The following EPB41L4B variants were observed in gnomAD, a reference collection of about 807,000 sequenced individuals.
EPB41L4B encodes erythrocyte membrane protein band 4.1 like 4B, also known as band 4.1-like protein 4B.
Under a neutral mutation model 112.5 loss-of-function variants are expected in EPB41L4B, and 30 were observed. That is an observed-to-expected ratio of 0.27 (90% CI 0.20 to 0.36). The LOEUF is 0.36. EPB41L4B is among the 10% of genes least tolerant of loss of function. The probability of loss-of-function intolerance (pLI) is 1.00; values close to 1 mark genes in which losing one functional copy is unlikely to be tolerated. For missense variants in EPB41L4B, 1,024 were observed against 1,133.3 expected, an observed-to-expected ratio of 0.90 and a Z score of 1.38; for synonymous variants, 408 against 439.7, an observed-to-expected ratio of 0.93 and a Z score of 0.90.
intron 12 of EPB41L4B, 83 bp downstream of exon 12, chr9:109,253,358 T>G (rs1283594000): frequency 1.9e-5 from 18 of 935,032 alleles, no homozygotes; most frequent in Admixed American, 1.9e-4. Flanking sequence ...ACTTTCTTCA[T>G]AAGCTGCTTG....
At position 109,320,321 on chromosome 9, in the gene EPB41L4B, G is replaced by C. The variant is rs1837820791; in HGVS notation, c.126C>G (p.Ala42=). 1.0e-6 allele frequency: 1 copy of C among 996,498 alleles called. No individual in the cohort carries two copies. Among genetic ancestry groups the C allele is most frequent in the Non-Finnish European group, 1.2e-6 (1 of 838,698 alleles). The allele number at this position is 996,498 out of a possible 1,614,324, so 61.7% of individuals were successfully genotyped here. A position where few individuals can be genotyped will look rare whatever the true frequency, so the allele number is the denominator to read the frequency against. The change falls in exon 1 of 26, where the codon GCC becomes GCG. Residue 42 remains alanine (A), a synonymous_variant. Transcript: ENST00000374566. ...ERDGGPRGGP[A]AAASSSALPA... is the part of the protein sequence containing the mutation. ...GCAGCGCCGAGGAGGAGGCGGCGGC[G>C]GCCGGGCCCCCCCGTGGCCCCCCAT... is the stretch of plus-strand genomic sequence containing the variant.
chr9:109,178,814 A>G (rs1320535754), intron 24 of EPB41L4B, among the ~76,000 whole-genome samples: 2 of 147,890 alleles, frequency 1.4e-5, no homozygotes, highest in Non-Finnish European at 3.0e-5. Flanking sequence ...GATAGTAAGT[A>G]AATGGGGCAG....
At chr9:109,179,841 T>C (rs1275806475) in intron 24 of EPB41L4B, among the ~76,000 whole-genome samples, 2 of 152,148 alleles carry the variant, frequency 1.3e-5, no homozygotes, top group Non-Finnish European at 1.5e-5. Flanking sequence ...CTTTCTGCTC[T>C]CTCTCCCTTA....
intron 1 of EPB41L4B, among the ~76,000 whole-genome samples, chr9:109,292,469 T>A (rs530807423): frequency 3.5e-4 from 53 of 152,332 alleles, no homozygotes; most frequent in African/African-American, 1.2e-3. Flanking sequence ...GCAAGTCATG[T>A]AAACTGTCAC....
chr9:109,226,638 TATATATATATGAAGA>T lies in EPB41L4B; in HGVS notation c.1410-9508_1410-9494del, dbSNP rs1245029545. ...TATATATATATATATATGAAGAATA[TATATATATATGAAGA>T]ATATATATATGAAGAATATATATAT... On this transcript the variant is annotated intron_variant, in intron 15 of 25. Coordinates refer to ENST00000374566, the MANE Select transcript of EPB41L4B (RefSeq NM_019114.5). 8.6e-4 allele frequency among the ~76,000 whole-genome samples: 111 copies of T among 129,606 alleles called. 1 individual carries two copies. Among genetic ancestry groups the T allele is most frequent in the Middle Eastern group, 3.8e-3 (1 of 264 alleles). The allele number at this position is 129,606 out of a possible 152,430, so 85.0% of individuals were successfully genotyped here. A position where few individuals can be genotyped will look rare whatever the true frequency, so the allele number is the denominator to read the frequency against.
intron 1 of EPB41L4B, among the ~76,000 whole-genome samples, chr9:109,299,624 C>T (rs1171595736): frequency 6.6e-6 from 1 of 152,096 alleles, no homozygotes; most frequent in African/African-American, 2.4e-5. Context: ...GCATCACATA[C>T]CTAGACAAAA....
chr9:109,208,619 T>C (rs997438834), intron 17 of EPB41L4B, among the ~76,000 whole-genome samples: 1 of 152,224 alleles, frequency 6.6e-6, no homozygotes, highest in Admixed American at 6.5e-5. Context: ...GTATCTATAA[T>C]TCATGTGATC....
At chr9:109,205,094 C>A (rs1832951953) in intron 18 of EPB41L4B, among the ~76,000 whole-genome samples, 1 of 152,172 alleles carries the variant, frequency 6.6e-6, no homozygotes. Context: ...TTCTTTCCTG[C>A]AGGACTTTTC....
rs539253687 is a variant in EPB41L4B, at chr9:109,207,993, A to G, written c.1809T>C (p.Pro603=). The G allele has an allele frequency of 6.2e-7, 1 of 1,614,220 alleles. No homozygotes were observed. The highest frequency in any genetic ancestry group is 2.2e-5 in the East Asian group (1 of 44,886). ...TGTTACACTTCACATGATCCGCAAC[A>G]GGGGAAGGCAAAAGTGGAGTCTGAA... ...KTLQTPLLPS[P]VADHVKCNIL... The change falls in exon 18 of 26, where the codon CCT becomes CCC. Residue 603 remains proline, a synonymous_variant. Transcript: ENST00000374566.
At chr9:109,238,114 T>G (rs1218804244) in intron 15 of EPB41L4B, among the ~76,000 whole-genome samples, 1 of 152,166 alleles carries the variant, frequency 6.6e-6, no homozygotes, top group Non-Finnish European at 1.5e-5. Context: ...TCCCTATCTA[T>G]GAAAAACAGG....
At chr9:109,237,413 G>A (rs529913092) in intron 15 of EPB41L4B, among the ~76,000 whole-genome samples, 1 of 152,300 alleles carries the variant, frequency 6.6e-6, no homozygotes, top group South Asian at 2.1e-4. Context: ...GTACATACCC[G>A]AGTTCCAAAA....
At chr9:109,192,437 C>A (rs1172804383) in intron 21 of EPB41L4B, 82 bp from the exon 22 acceptor site, 11 of 980,228 alleles carry the variant, frequency 1.1e-5, no homozygotes, top group East Asian at 2.4e-5. Flanking sequence ...GGCAGAGGTT[C>A]CCAGCCTCTC....
chr9:109,234,874 A>C (rs1834084935), intron 15 of EPB41L4B, among the ~76,000 whole-genome samples: 1 of 152,182 alleles, frequency 6.6e-6, no homozygotes, highest in Admixed American at 6.5e-5. Context: ...AAACAAACAA[A>C]AACAACAACA....
chr9:109,275,490 AAAT>A (rs1835780125), intron 2 of EPB41L4B, among the ~76,000 whole-genome samples: 1 of 152,226 alleles, frequency 6.6e-6, no homozygotes, highest in Non-Finnish European at 1.5e-5. Flanking sequence ...CCTCTTGATT[AAAT>A]TGGCTAAGGT....
chr9:109,234,049 C>T (rs1330784388), intron 15 of EPB41L4B, among the ~76,000 whole-genome samples: 1 of 149,736 alleles, frequency 6.7e-6, no homozygotes, highest in South Asian at 2.1e-4. Flanking sequence ...GCCTTGTTCA[C>T]AGAGAATGTA....
At chr9:109,200,909 T>G (rs947168343) in intron 19 of EPB41L4B, among the ~76,000 whole-genome samples, 11 of 152,230 alleles carry the variant, frequency 7.2e-5, no homozygotes, top group Non-Finnish European at 1.5e-4. Context: ...GTCACTTTTA[T>G]CTTTACTCAA....
At position 109,255,576 on chromosome 9, in the gene EPB41L4B, C is replaced by A. The variant is rs762740295; in HGVS notation, c.1104G>T (p.Arg368=). The change falls in exon 11 of 26, where the codon CGG becomes CGT. Residue 368 remains arginine, a synonymous_variant. Coordinates refer to ENST00000374566, the MANE Select transcript of EPB41L4B (RefSeq NM_019114.5). ...AVEHHAFFRL[R]TPGNSKSNRS... is the part of the protein sequence containing the mutation. ...TATTGGATTTGCTGTTTCCTGGCGT[C>A]CGCAGTCGGAAGAATGCGTGGTGCT... 16 of 1,614,112 alleles carry A rather than the reference C, an allele frequency of 9.9e-6. No individual in the cohort carries two copies. Among genetic ancestry groups the A allele is most frequent in the Non-Finnish European group, 1.4e-5 (16 of 1,180,052 alleles).
intron 17 of EPB41L4B, among the ~76,000 whole-genome samples, chr9:109,212,943 AG>A: frequency 6.6e-6 from 1 of 152,232 alleles, no homozygotes; most frequent in East Asian, 1.9e-4. Context: ...CTAGTGCCAA[AG>A]TTGAGAAACG....
chr9:109,242,616 G>A (rs1256563043), intron 15 of EPB41L4B, among the ~76,000 whole-genome samples: 1 of 152,066 alleles, frequency 6.6e-6, no homozygotes, highest in East Asian at 1.9e-4. Context: ...AAACAATCAC[G>A]CTTTGGGGTT....
Sources: allele counts gnomAD v4.1 joint callset (sites outside exome capture counted in the v4.1 genomes callset), GRCh38; gene constraint gnomAD v4.1.1; transcripts MANE v1.5; gene names NCBI Gene and HGNC (gene_info 2026-07-23, HGNC 2026-07-21).